CLPTM1: variants seen among roughly 807,000 people sequenced by gnomAD.
CLPTM1 encodes the protein CLPTM1 regulator of GABA type A receptor forward trafficking.
CLPTM1 carries 21 observed loss-of-function variants against 77.3 expected under a neutral mutation model. That is an observed-to-expected ratio of 0.27 (90% confidence interval 0.19 to 0.39). The LOEUF (loss-of-function observed/expected upper bound fraction) is 0.39. CLPTM1 is among the 10% of genes least tolerant of loss of function. The probability of loss-of-function intolerance (pLI) is 1.00; values close to 1 mark genes in which losing one functional copy is unlikely to be tolerated. For missense variants in CLPTM1, 642 were observed against 921.2 expected (o/e 0.70, Z 3.92); for synonymous variants, 373 against 381.0 (o/e 0.98, Z 0.24).
chr19:44,967,426 A>G (rs955529469), intron 2 of CLPTM1, among the ~76,000 whole-genome samples: 11 of 152,156 alleles, frequency 7.2e-5, no homozygotes, highest in Non-Finnish European at 1.5e-4. Context: ...TGGGAGACCA[A>G]GGTAGGTGAA....
chr19:44,977,480 C>A lies in CLPTM1; in HGVS notation c.586+20C>A. On this transcript the variant is annotated intron_variant, in intron 5 of 13. Coordinates refer to ENST00000337392, the MANE Select transcript of CLPTM1 (RefSeq NM_001294.4). ...CCCGGAGTAAGTCGCTCCCCTGCAG[C>A]CAGGACCCACTGTCCAGGAGGCCAG... 3 of 1,553,764 alleles carry A rather than the reference C, an allele frequency of 1.9e-6. No homozygotes were observed. Among genetic ancestry groups the A allele is most frequent in the South Asian group, 2.2e-5 (2 of 90,026 alleles).
rs568338835 is a variant in CLPTM1, at chr19:44,991,759, T to C, written c.1555+386T>C. 3.3e-5 allele frequency among the ~76,000 whole-genome samples: 5 copies of C among 151,842 alleles called. No homozygotes were observed. The South Asian group carries it at 6.3e-4, about 19-fold the overall frequency. On this transcript the variant is annotated intron_variant, in intron 12 of 13. Coordinates refer to ENST00000337392, the MANE Select transcript of CLPTM1 (RefSeq NM_001294.4). The surrounding 1 kb of genome is among the most constrained non-coding windows in gnomAD (Gnocchi z 5.4). ...TCTCTACAAAAAAACACAGAAATTA[T>C]TGGGGAGTGGTGGTGCGTGCCTGTA...
intron 4 of CLPTM1, among the ~76,000 whole-genome samples, chr19:44,975,460 C>T (rs916132286): frequency 2.0e-5 from 3 of 152,230 alleles, no homozygotes; most frequent in African/African-American, 7.2e-5. Context: ...TTCCTTTCTC[C>T]CCAGCAGGCC....
chr19:44,973,761 G>GTTTTTTTGTTTTTGTTTTTGTTTTT (rs1970759097), intron 3 of CLPTM1, among the ~76,000 whole-genome samples: 3 of 62,446 alleles, frequency 4.8e-5, no homozygotes, highest in African/African-American at 1.3e-4. Context: ...GTCACAGTGG[G>GTTTTTTTGTTTTTGTTTTTGTTTTT]TTTTTTTTTT....
chr19:44,987,865 T>TCTG, intron 8 of CLPTM1: 1 of 601,404 alleles, frequency 1.7e-6, no homozygotes, highest in South Asian at 1.9e-5. Flanking sequence ...TCCCTTGGCC[T>TCTG]CTGCCTCTTC....
At position 44,990,527 on chromosome 19, in the gene CLPTM1, G is replaced by T; in HGVS notation, c.1265G>T (p.Ser422Ile). Residue 422 changes from serine to isoleucine, a missense_variant, in exon 10 of 14, where the codon AGC becomes ATC. Ser to Ile is a moderately radical substitution (Grantham distance 142). Around this residue, in one of 2 missense-constraint regions of CLPTM1, gnomAD observed 521 missense variants for 800.4 expected, o/e 0.65. Transcript: ENST00000337392. The surrounding 1 kb of genome is among the most constrained non-coding windows in gnomAD (Gnocchi z 4.8). ...DNETNFVVQV[S>I]VFIGVLIDLW... Reference sequence around the variant, plus strand: ...GAGACCAACTTCGTGGTCCAGGTCAGCGTCTTCATTGGGGTCCTCATCGAC... The same window carrying T: ...GAGACCAACTTCGTGGTCCAGGTCATCGTCTTCATTGGGGTCCTCATCGAC... The T allele has an allele frequency of 6.2e-7, 1 of 1,614,134 alleles. No individual in the cohort carries two copies. The highest frequency in any genetic ancestry group is 8.5e-7 in the Non-Finnish European group (1 of 1,179,986).
At chr19:44,956,094 GC>G (rs1970460178) in intron 1 of CLPTM1, among the ~76,000 whole-genome samples, 1 of 152,198 alleles carries the variant, frequency 6.6e-6, no homozygotes. Context: ...GATGACTTCT[GC>G]CCCACTGCTG....
chr19:44,955,474 A>G lies in CLPTM1; in HGVS notation c.72+7A>G, dbSNP rs1237564374. The G allele has an allele frequency of 5.3e-6, 7 of 1,311,538 alleles. No homozygotes were observed. The highest frequency in any genetic ancestry group is 6.8e-6 in the Non-Finnish European group (7 of 1,030,350). The allele number at this position is 1,311,538 out of a possible 1,614,324, so 81.2% of individuals were successfully genotyped here. A position where few individuals can be genotyped will look rare whatever the true frequency, so the allele number is the denominator to read the frequency against. On this transcript the variant is annotated splice_region_variant and intron_variant, in intron 1 of 13. Transcript: ENST00000337392. ...GGGAGGCAGCTCCGGTCAGGTACGG[A>G]GGCCGAGAGGGGACTGAGGGGGTTC...
chr19:44,989,222 C>G (rs1204675276), intron 9 of CLPTM1, among the ~76,000 whole-genome samples: 1 of 152,218 alleles, frequency 6.6e-6, no homozygotes, highest in Non-Finnish European at 1.5e-5. Flanking sequence ...AATGCAGTGT[C>G]ATACGGGCAC....
At chr19:44,973,587 G>T (rs1172094027) in intron 3 of CLPTM1, among the ~76,000 whole-genome samples, 1 of 152,020 alleles carries the variant, frequency 6.6e-6, no homozygotes, top group Non-Finnish European at 1.5e-5. Flanking sequence ...CTGACAGGAG[G>T]TGGGCCCGGA....
chr19:44,992,934 C>T lies in CLPTM1; in HGVS notation c.*37C>T. The T allele has an allele frequency of 6.2e-7, 1 of 1,601,088 alleles. No homozygotes were observed. Among genetic ancestry groups the T allele is most frequent in the Non-Finnish European group, 8.5e-7 (1 of 1,174,898 alleles). Reference sequence around the variant, plus strand: ...CCTCACCTGCTCCGGCTCCTGGCGACCACTACCCCTGCGTCCCGGCCCCCT... The same window carrying T: ...CCTCACCTGCTCCGGCTCCTGGCGATCACTACCCCTGCGTCCCGGCCCCCT... On this transcript the variant is annotated 3_prime_UTR_variant, in exon 14 of 14. Coordinates refer to ENST00000337392, the MANE Select transcript of CLPTM1 (RefSeq NM_001294.4). The surrounding 1 kb of genome is among the most constrained non-coding windows in gnomAD (Gnocchi z 7.7).
intron 2 of CLPTM1, among the ~76,000 whole-genome samples, chr19:44,969,092 A>T (rs575866918): frequency 6.6e-6 from 1 of 152,338 alleles, no homozygotes; most frequent in South Asian, 2.1e-4. Flanking sequence ...CCTTTTTCCT[A>T]TGATTAAAAT....
intron 2 of CLPTM1, among the ~76,000 whole-genome samples, chr19:44,965,164 C>T (rs1970607176): frequency 6.6e-6 from 1 of 152,096 alleles, no homozygotes; most frequent in Admixed American, 6.5e-5. Context: ...AATCAGCTTC[C>T]CTACTTATGA....
At position 44,961,965 on chromosome 19, in the gene CLPTM1, G is replaced by T; in HGVS notation, c.75G>T (p.Val25=). ...ACCCTGGCCTCTGTCCCCCACAGGT[G>T]ACCAGCAATGGCAGCATCGGGAGGG... ...VAAGGGSSGQ[V]TSNGSIGRDP... Residue 25 remains valine, a splice_region_variant and synonymous_variant, in exon 2 of 14, where the codon GTG becomes GTT. Transcript: ENST00000337392. The T allele has an allele frequency of 1.2e-6, 2 of 1,601,794 alleles. No homozygotes were observed. Among genetic ancestry groups the T allele is most frequent in the South Asian group, 2.2e-5 (2 of 89,314 alleles).
At position 44,992,758 on chromosome 19, in the gene CLPTM1, C is replaced by T; in HGVS notation, c.1871C>T (p.Thr624Ile). 2 of 1,612,540 alleles carry T rather than the reference C, an allele frequency of 1.2e-6. No individual in the cohort carries two copies. The highest frequency in any genetic ancestry group is 8.5e-7 in the Non-Finnish European group (1 of 1,179,840). ...VPTAAGALTP[T>I]PAPTTTTATR... The stretch of plus-strand genomic sequence containing the variant: ...ACAGCAGCAGGGGCCCTCACGCCCA[C>T]ACCTGCACCCACCACGACCACCGCC... The change falls in exon 14 of 14, where the codon ACA (threonine) becomes ATA (isoleucine). Residue 624 changes from threonine to isoleucine, a missense_variant. This residue lies in a region of CLPTM1 where 521 missense variants were observed against 800.4 expected (regional missense o/e 0.65). Transcript: ENST00000337392. This position sits in a 1 kb window ranked among gnomAD's most constrained non-coding sequence, Gnocchi z 7.7.
At chr19:44,973,761 G>GTTTTT (rs71173113) in intron 3 of CLPTM1, among the ~76,000 whole-genome samples, 2,399 of 62,062 alleles carry the variant, frequency 0.039, 190 homozygotes, top group African/African-American at 0.086. Context: ...GTCACAGTGG[G>GTTTTT]TTTTTTTTTT....
rs1031808982 is a variant in CLPTM1 at position 44,992,967 on chromosome 19, C to T, written c.*70C>T. 6.5e-7 allele frequency: 1 copy of T among 1,531,418 alleles called. No individual in the cohort carries two copies. Among genetic ancestry groups the T allele is most frequent in the Admixed American group, 1.9e-5 (1 of 53,280 alleles). The allele number at this position is 1,531,418 out of a possible 1,614,324, so 94.9% of individuals were successfully genotyped here. ...CCTGCGTCCCGGCCCCCTCGCCTCC[C>T]CTCCCTGTCGCCCTTTCCCTGGACA... On this transcript the variant is annotated 3_prime_UTR_variant, in exon 14 of 14. Coordinates refer to ENST00000337392, the MANE Select transcript of CLPTM1 (RefSeq NM_001294.4). This position sits in a 1 kb window ranked among gnomAD's most constrained non-coding sequence, Gnocchi z 7.7.
Position 44,990,906 on chromosome 19 carries a change from G to A in CLPTM1, c.1380G>A (p.Lys460=). The change falls in exon 11 of 14, where the codon AAG becomes AAA. Residue 460 remains lysine, a synonymous_variant. Coordinates refer to ENST00000337392, the MANE Select transcript of CLPTM1 (RefSeq NM_001294.4). The surrounding 1 kb of genome is among the most constrained non-coding windows in gnomAD (Gnocchi z 4.8). ...GIFPRLSFKD[K]STYIESSTKV... Reference sequence around the variant, plus strand: ...TCCCCCGCCTATCCTTCAAGGACAAGTCCACGTATATCGAGTCCTCGACCA... The same window carrying A: ...TCCCCCGCCTATCCTTCAAGGACAAATCCACGTATATCGAGTCCTCGACCA... The A allele has an allele frequency of 6.2e-7, 1 of 1,614,010 alleles. No individual in the cohort carries two copies. The highest frequency in any genetic ancestry group is 2.2e-5 in the East Asian group (1 of 44,890).
chr19:44,958,558 G>A (rs1478734556), intron 1 of CLPTM1, among the ~76,000 whole-genome samples: 1 of 152,120 alleles, frequency 6.6e-6, no homozygotes, highest in South Asian at 2.1e-4. Flanking sequence ...TTTTAGTAGA[G>A]ACAGGGTTTC....
Sources: allele counts gnomAD v4.1 joint callset (sites outside exome capture counted in the v4.1 genomes callset), GRCh38; gene constraint gnomAD v4.1.1; regional missense constraint gnomAD v4.1.1; non-coding constraint Gnocchi (gnomAD v3.1); transcripts MANE v1.5; gene names NCBI Gene and HGNC (gene_info 2026-07-23, HGNC 2026-07-21).